The following SPAG16 variants were observed in gnomAD, a reference collection of about 807,000 sequenced individuals.
The protein encoded by SPAG16 is sperm associated antigen 16.
Under a neutral mutation model 80.4 loss-of-function variants are expected in SPAG16, and 86 were observed. The ratio of observed to expected loss-of-function variants is 1.07; its 90% confidence interval spans 0.90 to 1.28. SPAG16 has a LOEUF of 1.28. Among genes scored for constraint, SPAG16 ranks in the 50% most tolerant of loss-of-function variants. The probability of loss-of-function intolerance (pLI) is 0.00; values close to 1 mark genes in which losing one functional copy is unlikely to be tolerated. For missense variants in SPAG16, 870 were observed against 765.3 expected (o/e 1.14, Z -1.61); for synonymous variants, 294 against 265.9 (o/e 1.11, Z -1.03).
chr2:213,678,414 C>A (rs1293356426), intron 10 of SPAG16, among the ~76,000 whole-genome samples: 3 of 152,036 alleles, frequency 2.0e-5, no homozygotes, highest in African/African-American at 4.8e-5. Flanking sequence ...CAAATAGACA[C>A]AATAAAAAAT....
chr2:213,626,710 T>C (rs1175932548), intron 10 of SPAG16, among the ~76,000 whole-genome samples: 1 of 147,148 alleles, frequency 6.8e-6, no homozygotes, highest in Non-Finnish European at 1.5e-5. Flanking sequence ...TGCAGTCATG[T>C]CATCTTGGCT....
At chr2:214,147,001 CAA>C (rs1017066931) in intron 14 of SPAG16, among the ~76,000 whole-genome samples, 5 of 18,062 alleles carry the variant, frequency 2.8e-4, no homozygotes, top group African/African-American at 6.8e-4. Context: ...GACTCCATCT[CAA>C]AAAAAAAAAA....
intron 10 of SPAG16, among the ~76,000 whole-genome samples, chr2:213,562,690 T>C (rs983263335): frequency 2.0e-5 from 3 of 152,126 alleles, no homozygotes; most frequent in Non-Finnish European, 4.4e-5. Context: ...TAGATGGTGC[T>C]ATCTTTTCTC....
At chr2:214,376,162 C>G (rs573069071) in intron 15 of SPAG16, among the ~76,000 whole-genome samples, 73 of 151,744 alleles carry the variant, frequency 4.8e-4, no homozygotes, top group African/African-American at 1.7e-3. Context: ...TGTTGAGAAA[C>G]AAAATAGAAG....
intron 9 of SPAG16, among the ~76,000 whole-genome samples, chr2:213,473,414 G>T (rs1183263300): frequency 6.6e-6 from 1 of 152,148 alleles, no homozygotes; most frequent in African/African-American, 2.4e-5. Flanking sequence ...GCTCTTCAAA[G>T]ATGCGGGTGC....
chr2:214,024,197 G>T (rs187658588), intron 13 of SPAG16, among the ~76,000 whole-genome samples: 8 of 151,578 alleles, frequency 5.3e-5, no homozygotes, highest in African/African-American at 1.7e-4. Context: ...TCTAGGATTG[G>T]AAGGAACAAG....
chr2:213,493,940 G>T (rs905620025), intron 10 of SPAG16, among the ~76,000 whole-genome samples: 2 of 152,060 alleles, frequency 1.3e-5, no homozygotes, highest in Admixed American at 1.3e-4. Context: ...CTGCCATCGG[G>T]TTCTCTTCCT....
intron 11 of SPAG16, among the ~76,000 whole-genome samples, chr2:213,918,781 C>CT (rs1049702440): frequency 6.6e-6 from 1 of 152,102 alleles, no homozygotes; most frequent in South Asian, 2.1e-4. Context: ...AATACATAGA[C>CT]TTTTTATTAC....
intron 10 of SPAG16, among the ~76,000 whole-genome samples, chr2:213,701,718 T>C (rs1175277865): frequency 6.6e-6 from 1 of 152,180 alleles, no homozygotes; most frequent in East Asian, 1.9e-4. Context: ...GGAGAACTTT[T>C]ATGTCTAGCC....
chr2:213,658,415 A>C (rs1485749768), intron 10 of SPAG16, among the ~76,000 whole-genome samples: 6 of 152,102 alleles, frequency 3.9e-5, no homozygotes, highest in Non-Finnish European at 8.8e-5. Context: ...TTTTATGTAT[A>C]TATGAAATAT....
intron 10 of SPAG16, among the ~76,000 whole-genome samples, chr2:213,808,513 G>A (rs1173044298): frequency 6.6e-6 from 1 of 152,108 alleles, no homozygotes; most frequent in Non-Finnish European, 1.5e-5. Context: ...AGAAGTTCAT[G>A]TGATGTGATA....
Position 213,887,147 on chromosome 2 carries a change from A to G in SPAG16, c.1214+24519A>G, listed in dbSNP as rs112908729. ...AATGTTGACATATTACATAACCACA[A>G]TACAATTAACAGAATAAGAAATTAA... On this transcript the variant is annotated intron_variant, in intron 11 of 15. Coordinates refer to ENST00000331683, the MANE Select transcript of SPAG16 (RefSeq NM_024532.5). Among the ~76,000 whole-genome samples, 4 of 152,224 alleles carry G rather than the reference A, an allele frequency of 2.6e-5. 1 individual carries two copies. Among genetic ancestry groups the G allele is most frequent in the African/African-American group, 9.6e-5 (4 of 41,564 alleles).
rs1313992762 is a variant in SPAG16 at position 213,990,501 on chromosome 2, A to C, written c.1401-23450A>C. 3.3e-5 allele frequency among the ~76,000 whole-genome samples: 5 copies of C among 152,178 alleles called. No homozygotes were observed. The East Asian group carries it at 9.6e-4, about 29-fold the overall frequency. ...ATTGACACAAATAACTGATAAGTTAATTGACACAAATGTATATTACATGTA... is the reference window on the plus strand; with the variant it reads ...ATTGACACAAATAACTGATAAGTTACTTGACACAAATGTATATTACATGTA... On this transcript the variant is annotated intron_variant, in intron 12 of 15. Transcript: ENST00000331683.
intron 10 of SPAG16, among the ~76,000 whole-genome samples, chr2:213,693,685 TC>T (rs1559381810): frequency 1.3e-5 from 2 of 152,188 alleles, no homozygotes; most frequent in Non-Finnish European, 2.9e-5. Context: ...CCAAGTTGCC[TC>T]TGTGGAATTT....
At chr2:213,374,800 A>G (rs1014313957) in intron 8 of SPAG16, among the ~76,000 whole-genome samples, 2 of 152,094 alleles carry the variant, frequency 1.3e-5, no homozygotes, top group African/African-American at 4.8e-5. Flanking sequence ...CATGTATTTA[A>G]TTAACCTTGT....
chr2:213,560,428 T>G (rs1034237853), intron 10 of SPAG16, among the ~76,000 whole-genome samples: 1 of 152,048 alleles, frequency 6.6e-6, no homozygotes, highest in African/African-American at 2.4e-5. Flanking sequence ...TCCATTCAGA[T>G]ATAAAGTAAT....
In SPAG16 at chr2:213,317,572, G is replaced by A. The variant is rs1292203115; in HGVS notation, c.536+216G>A. On this transcript the variant is annotated intron_variant, in intron 5 of 15. Transcript: ENST00000331683. ...TACCAACAAGAAGGGAATGCAGGTA[G>A]TTGTTTAGGAGATGGTACATTTTTT... 2.5e-6 allele frequency: 3 copies of A among 1,210,918 alleles called. No homozygotes were observed. In the Admixed American group the frequency reaches 1.2e-4, roughly 48 times the overall value. The allele number at this position is 1,210,918 out of a possible 1,614,324, so 75.0% of individuals were successfully genotyped here.
At chr2:214,183,185 A>G (rs1289564604) in intron 15 of SPAG16, among the ~76,000 whole-genome samples, 2 of 151,786 alleles carry the variant, frequency 1.3e-5, no homozygotes, top group African/African-American at 4.8e-5. Context: ...TCTACTACAT[A>G]TTTTTCTATT....
Position 213,423,448 on chromosome 2 carries a change from G to A in SPAG16, c.942+48329G>A, listed in dbSNP as rs150421188. Among the ~76,000 whole-genome samples, 535 of 152,300 alleles carry A rather than the reference G, an allele frequency of 3.5e-3. 5 individuals carry two copies. Among genetic ancestry groups the A allele is most frequent in the African/African-American group, 0.012 (503 of 41,560 alleles). ...ATTAGACCCTGGAGAGAGGGATGGT[G>A]CCTGTACTCAGATGCTAGGTTGGTC... On this transcript the variant is annotated intron_variant, in intron 9 of 15. Coordinates refer to ENST00000331683, the MANE Select transcript of SPAG16 (RefSeq NM_024532.5).
Sources: allele counts gnomAD v4.1 joint callset (sites outside exome capture counted in the v4.1 genomes callset), GRCh38; gene constraint gnomAD v4.1.1; transcripts MANE v1.5; gene names NCBI Gene and HGNC (gene_info 2026-07-23, HGNC 2026-07-21).